Variants in GRIA2 observed in about 807,000 individuals in gnomAD.
The protein encoded by GRIA2 is glutamate ionotropic receptor AMPA type subunit 2.
In GRIA2, 14 loss-of-function variants were observed where a neutral mutation model predicts 97.3. That is an observed-to-expected ratio of 0.14 (90% CI 0.10 to 0.23). The LOEUF (loss-of-function observed/expected upper bound fraction) is 0.23, where lower values mean the gene tolerates loss of function less well. Among genes scored for constraint, GRIA2 ranks in the 10% least tolerant of loss-of-function variants. GRIA2 has a pLI of 1.00. For missense variants in GRIA2, 558 were observed against 1,069.8 expected, an observed-to-expected ratio of 0.52 and a Z score of 6.67; for synonymous variants, 412 against 387.8, an observed-to-expected ratio of 1.06 and a Z score of -0.73.
intron 15 of GRIA2, 68 bp from the exon 16 acceptor site, chr4:157,363,367 C>T (rs766506828): frequency 1.7e-5 from 18 of 1,056,558 alleles, no homozygotes; most frequent in Non-Finnish European, 1.9e-5. Context: ...CCTGCCTTTC[C>T]TCTGGATGCA....
chr4:157,242,107 T>C (rs912760753), intron 2 of GRIA2, among the ~76,000 whole-genome samples: 2 of 152,096 alleles, frequency 1.3e-5, no homozygotes, highest in African/African-American at 4.8e-5. Flanking sequence ...GGCAGCATAG[T>C]TGAATGTTTT....
chr4:157,281,497 G>T (rs978380403), intron 2 of GRIA2, among the ~76,000 whole-genome samples: 2 of 151,948 alleles, frequency 1.3e-5, no homozygotes, highest in Admixed American at 6.6e-5. Context: ...CTTTTTAATG[G>T]TTTTATTTGG....
intron 2 of GRIA2, among the ~76,000 whole-genome samples, 164 bp from the exon 3 acceptor site, chr4:157,303,388 T>C (rs149319131): frequency 5.9e-5 from 9 of 152,342 alleles, no homozygotes; most frequent in African/African-American, 2.2e-4. Context: ...AATAGAATGC[T>C]AAGTAAATAA....
chr4:157,221,877 C>A, intron 2 of GRIA2, 70 bp downstream of exon 2: 3 of 1,416,398 alleles, frequency 2.1e-6, no homozygotes, highest in Non-Finnish European at 2.0e-6. Flanking sequence ...TGTGTGTGTG[C>A]GTTTCTGGGG....
At chr4:157,246,406 A>G (rs1319755540) in intron 2 of GRIA2, among the ~76,000 whole-genome samples, 9 of 152,152 alleles carry the variant, frequency 5.9e-5, no homozygotes, top group African/African-American at 2.2e-4. Context: ...ATGTCTTTAT[A>G]TGAACTACAT....
chr4:157,251,574 T>C (rs1376707771), intron 2 of GRIA2, among the ~76,000 whole-genome samples: 1 of 152,142 alleles, frequency 6.6e-6, no homozygotes, highest in East Asian at 1.9e-4. Context: ...ACTTCATTTT[T>C]CTTGGTAGTG....
intron 3 of GRIA2, among the ~76,000 whole-genome samples, chr4:157,311,696 G>C (rs1734086881): frequency 6.6e-6 from 1 of 151,952 alleles, no homozygotes; most frequent in Non-Finnish European, 1.5e-5. Context: ...TCTAGAATAA[G>C]GAAGATGATT....
chr4:157,320,350 A>G (rs1734505110), intron 5 of GRIA2, among the ~76,000 whole-genome samples: 1 of 152,134 alleles, frequency 6.6e-6, no homozygotes, highest in Admixed American at 6.6e-5. Context: ...AAAATTTCAA[A>G]AATTGATAAA....
At chr4:157,342,217 A>G in intron 12 of GRIA2, 11 of 982,048 alleles carry the variant, frequency 1.1e-5, no homozygotes, top group Non-Finnish European at 1.3e-5. Context: ...ATCTACAAAT[A>G]TATTCGAATA....
At chr4:157,304,917 G>T (rs1263400899) in intron 3 of GRIA2, among the ~76,000 whole-genome samples, 1 of 152,058 alleles carries the variant, frequency 6.6e-6, no homozygotes, top group Non-Finnish European at 1.5e-5. Flanking sequence ...TCCTGGGAAT[G>T]AGAACACTCA....
chr4:157,354,060 C>T (rs1321978086), intron 12 of GRIA2, among the ~76,000 whole-genome samples: 3 of 152,090 alleles, frequency 2.0e-5, no homozygotes, highest in Non-Finnish European at 4.4e-5. Flanking sequence ...TGATTCATTA[C>T]TTCATGGAAT....
intron 12 of GRIA2, among the ~76,000 whole-genome samples, chr4:157,346,543 G>C (rs1358094387): frequency 6.6e-6 from 1 of 152,008 alleles, no homozygotes; most frequent in Non-Finnish European, 1.5e-5. Flanking sequence ...GAAATAAAAT[G>C]AGTGTAGCCA....
intron 2 of GRIA2, among the ~76,000 whole-genome samples, chr4:157,296,328 C>A (rs1390707170): frequency 6.6e-6 from 1 of 152,010 alleles, no homozygotes; most frequent in Admixed American, 6.6e-5. Context: ...AGAAATACCC[C>A]ACTATCAACG....
intron 2 of GRIA2, among the ~76,000 whole-genome samples, chr4:157,286,454 T>G (rs2126825212): frequency 6.6e-6 from 1 of 151,608 alleles, no homozygotes; most frequent in East Asian, 1.9e-4. Flanking sequence ...TTTGGAGAGT[T>G]AAAAAAGTTA....
intron 2 of GRIA2, among the ~76,000 whole-genome samples, chr4:157,274,167 A>G (rs1266905881): frequency 6.6e-6 from 1 of 151,974 alleles, no homozygotes; most frequent in African/African-American, 2.4e-5. Context: ...TTTCCCAGAC[A>G]AACAAAACCT....
intron 12 of GRIA2, among the ~76,000 whole-genome samples, chr4:157,345,060 G>T (rs543292287): frequency 1.3e-5 from 2 of 151,874 alleles, no homozygotes; most frequent in East Asian, 3.9e-4. Context: ...TTTTCTTTCC[G>T]TTAAAGTCTA....
rs185446717 is a variant in GRIA2, at chr4:157,223,214, C to G, written c.229+1407C>G. Among the ~76,000 whole-genome samples the G allele has an allele frequency of 5.8e-4, 89 of 152,268 alleles. No homozygotes were observed. The East Asian group carries it at 0.01, about 18-fold the overall frequency. On this transcript the variant is annotated intron_variant, in intron 2 of 15. Transcript: ENST00000264426. ...TTGGGCCCATCATCAACTCTTGCAACTACTGTCACCCGGACGAATGAAGAA... is the reference window on the plus strand; with the variant it reads ...TTGGGCCCATCATCAACTCTTGCAAGTACTGTCACCCGGACGAATGAAGAA...
chr4:157,289,331 A>T (rs1299114068), intron 2 of GRIA2, among the ~76,000 whole-genome samples: 2 of 151,938 alleles, frequency 1.3e-5, no homozygotes, highest in Non-Finnish European at 2.9e-5. Context: ...AGTAAACATG[A>T]GTGCATCAGT....
intron 12 of GRIA2, among the ~76,000 whole-genome samples, chr4:157,351,965 C>T (rs1002840173): frequency 5.9e-5 from 9 of 152,142 alleles, no homozygotes; most frequent in Admixed American, 1.3e-4. Flanking sequence ...AGTATGAAAA[C>T]GAACTTATAT....
Sources: allele counts gnomAD v4.1 joint callset (sites outside exome capture counted in the v4.1 genomes callset), GRCh38; gene constraint gnomAD v4.1.1; transcripts MANE v1.5; gene names NCBI Gene and HGNC (gene_info 2026-07-23, HGNC 2026-07-21).